The following MACROD2 variants were observed in gnomAD, a reference collection of about 807,000 sequenced individuals.
MACROD2 encodes the protein ADP-ribose glycohydrolase MACROD2.
MACROD2 carries 36 observed loss-of-function variants against 70.4 expected under a neutral mutation model. The observed-to-expected ratio is 0.51, with a 90% CI of 0.39 to 0.68. The LOEUF (loss-of-function observed/expected upper bound fraction) is 0.68. Among genes scored for constraint, MACROD2 ranks in the 30% least tolerant of loss-of-function variants. The pLI is 0.00. For missense variants in MACROD2, 496 were observed against 538.4 expected, an observed-to-expected ratio of 0.92 and a Z score of 0.78; for synonymous variants, 172 against 178.8, an observed-to-expected ratio of 0.96 and a Z score of 0.30.
chr20:15,658,666 C>A (rs2049770323), intron 8 of MACROD2, among the ~76,000 whole-genome samples: 2 of 152,204 alleles, frequency 1.3e-5, no homozygotes, highest in African/African-American at 4.8e-5. Flanking sequence ...AACCCACTAG[C>A]CCCCTACGGG....
chr20:14,858,347 G>A (rs78236004), intron 5 of MACROD2, among the ~76,000 whole-genome samples: 20,962 of 151,946 alleles, frequency 0.14, 1,541 homozygotes, highest in Middle Eastern at 0.25. Flanking sequence ...TGAGCCCTTG[G>A]ACCCCAGAAT....
At chr20:15,164,017 A>G (rs413113) in intron 5 of MACROD2, among the ~76,000 whole-genome samples, 24,700 of 152,070 alleles carry the variant, frequency 0.16, 2,610 homozygotes, top group East Asian at 0.48. Context: ...AATAAATAAA[A>G]TACATAGTGT....
chr20:15,521,110 T>A (rs1256983838), intron 8 of MACROD2, among the ~76,000 whole-genome samples: 3 of 152,222 alleles, frequency 2.0e-5, no homozygotes, highest in Non-Finnish European at 4.4e-5. Flanking sequence ...TGACTTGCCC[T>A]AATTGTATCA....
At chr20:15,806,743 G>A (rs866451688) in intron 8 of MACROD2, among the ~76,000 whole-genome samples, 1 of 152,074 alleles carries the variant, frequency 6.6e-6, no homozygotes, top group East Asian at 1.9e-4. Context: ...TTAAAATGAT[G>A]TAATTTTGTT....
At chr20:14,558,861 G>A (rs1979236546) in intron 4 of MACROD2, among the ~76,000 whole-genome samples, 1 of 151,666 alleles carries the variant, frequency 6.6e-6, no homozygotes, top group African/African-American at 2.4e-5. Flanking sequence ...AGGTATTGAA[G>A]TGTTTGTGTA....
chr20:14,453,199 C>A (rs2084263699), intron 3 of MACROD2, among the ~76,000 whole-genome samples: 1 of 152,116 alleles, frequency 6.6e-6, no homozygotes. Context: ...CCAAGGCCTG[C>A]ATATGACTTG....
chr20:14,495,605 A>G (rs1390925486), intron 4 of MACROD2, among the ~76,000 whole-genome samples: 2 of 152,162 alleles, frequency 1.3e-5, no homozygotes, highest in Non-Finnish European at 2.9e-5. Flanking sequence ...GGTTACCTCT[A>G]TATTGTCAAA....
intron 6 of MACROD2, among the ~76,000 whole-genome samples, chr20:15,336,539 C>T (rs1195246389): frequency 1.3e-5 from 2 of 151,562 alleles, no homozygotes; most frequent in East Asian, 1.9e-4. Context: ...TCATGAGGGG[C>T]CAAGCTTTCT....
chr20:15,968,397 T>G (rs1027182293), intron 13 of MACROD2, among the ~76,000 whole-genome samples: 1 of 151,968 alleles, frequency 6.6e-6, no homozygotes, highest in Admixed American at 6.6e-5. Flanking sequence ...ATACAAAGAT[T>G]AAGAAAACAT....
At chr20:15,826,742 C>T (rs947419051) in intron 8 of MACROD2, among the ~76,000 whole-genome samples, 2 of 152,250 alleles carry the variant, frequency 1.3e-5, no homozygotes, top group African/African-American at 4.8e-5. Flanking sequence ...GTACAATGGA[C>T]ATTAGGAAAA....
At chr20:15,847,025 A>G (rs1169365110) in intron 8 of MACROD2, among the ~76,000 whole-genome samples, 1 of 139,582 alleles carries the variant, frequency 7.2e-6, no homozygotes. Flanking sequence ...TGTTGTCCAG[A>G]ATGTATCTGT....
intron 6 of MACROD2, among the ~76,000 whole-genome samples, chr20:15,334,747 TA>T (rs1328992574): frequency 6.6e-6 from 1 of 151,688 alleles, no homozygotes; most frequent in Non-Finnish European, 1.5e-5. Flanking sequence ...TTGCAATGTA[TA>T]TTATGTTCAA....
At chr20:14,021,787 T>A (rs1376363041) in intron 2 of MACROD2, among the ~76,000 whole-genome samples, 2 of 152,158 alleles carry the variant, frequency 1.3e-5, no homozygotes, top group Non-Finnish European at 2.9e-5. Flanking sequence ...TATACATGAT[T>A]AGTATCAGTG....
intron 6 of MACROD2, among the ~76,000 whole-genome samples, chr20:15,240,024 G>C (rs1359654635): frequency 2.6e-5 from 4 of 151,984 alleles, no homozygotes; most frequent in Admixed American, 2.6e-4. Flanking sequence ...GTGAACAGCA[G>C]GGGGGTTTAC....
intron 5 of MACROD2, among the ~76,000 whole-genome samples, chr20:14,770,518 G>A (rs984431792): frequency 6.6e-6 from 1 of 152,010 alleles, no homozygotes; most frequent in Non-Finnish European, 1.5e-5. Context: ...CACTTTTTGA[G>A]TGACTAATCT....
intron 5 of MACROD2, among the ~76,000 whole-genome samples, chr20:15,007,379 C>A (rs112070745): frequency 0.082 from 11,293 of 137,928 alleles, 1,421 homozygotes; most frequent in African/African-American, 0.28. Flanking sequence ...CAAAAACAAA[C>A]AAAAAAAAAA....
chr20:15,894,927 G>C (rs894281292), intron 10 of MACROD2, among the ~76,000 whole-genome samples: 51 of 152,160 alleles, frequency 3.4e-4, no homozygotes, highest in African/African-American at 1.2e-3. Flanking sequence ...TTGTAGTTCG[G>C]TCATTTTCTA....
At chr20:15,807,440 C>A (rs1248895492) in intron 8 of MACROD2, among the ~76,000 whole-genome samples, 2 of 152,160 alleles carry the variant, frequency 1.3e-5, no homozygotes, top group East Asian at 3.9e-4. Flanking sequence ...TTAGTACATA[C>A]ACACACACTT....
chr20:14,840,873 T>G (rs1291176494), intron 5 of MACROD2, among the ~76,000 whole-genome samples: 1 of 152,060 alleles, frequency 6.6e-6, no homozygotes, highest in Non-Finnish European at 1.5e-5. Context: ...GCTTAAAGAG[T>G]GCAGGGCTAG....
Sources: gnomAD v4.1 joint callset for allele counts (sites outside exome capture counted in the v4.1 genomes callset) on GRCh38, gnomAD v4.1.1 for gene constraint, MANE v1.5 for transcripts, NCBI Gene and HGNC (gene_info 2026-07-23, HGNC 2026-07-21) for gene names.